CPXM2: variants seen among roughly 807,000 people sequenced by gnomAD.
CPXM2 encodes the protein inactive carboxypeptidase-like protein X2.
In CPXM2, 66 loss-of-function variants were observed where a neutral mutation model predicts 86.1. The ratio of observed to expected loss-of-function variants is 0.77; its 90% confidence interval spans 0.63 to 0.94. The LOEUF is 0.94. CPXM2 is among the 40% of genes least tolerant of loss of function. The probability of loss-of-function intolerance (pLI) is 0.00; values close to 1 mark genes in which losing one functional copy is unlikely to be tolerated. For synonymous variants in CPXM2, 388 were observed against 400.2 expected, an observed-to-expected ratio of 0.97 and a Z score of 0.36; for missense variants, 948 against 1,026.3, an observed-to-expected ratio of 0.92 and a Z score of 1.04.
At position 123,891,317 on chromosome 10, in the gene CPXM2, GGCGCCCCCTCGGGCTGCCCA is replaced by G. The variant is rs1476101370; in HGVS notation, c.304+19_304+38del. ...TGTCCCCTGGAGGCGCGCAACCACC[GGCGCCCCCTCGGGCTGCCCA>G]GCGCAGAAAGTTCCTTACCTGGTGG... is the stretch of plus-strand genomic sequence containing the variant. On this transcript the variant is annotated intron_variant, in intron 1 of 13. Transcript: ENST00000241305. This position sits in a 1 kb window ranked among gnomAD's most constrained non-coding sequence, Gnocchi z 5.6. The G allele has an allele frequency of 4.2e-6, 6 of 1,437,036 alleles. No homozygotes were observed. The South Asian group carries it at 7.3e-5, about 18-fold the overall frequency. 89.0% of individuals were successfully genotyped at this position (1,437,036 alleles called of 1,614,324 possible).
intron 4 of CPXM2, among the ~76,000 whole-genome samples, chr10:123,800,006 G>T (rs1590015123): frequency 1.4e-5 from 2 of 143,560 alleles, no homozygotes; most frequent in African/African-American, 5.1e-5. Context: ...TTGGAACTAA[G>T]AAGCAATTTA....
chr10:123,838,884 T>C (rs1027138793), intron 4 of CPXM2, among the ~76,000 whole-genome samples: 5 of 152,186 alleles, frequency 3.3e-5, no homozygotes, highest in Non-Finnish European at 7.3e-5. Context: ...CAGATACTTC[T>C]ACCAATTTGT....
intron 6 of CPXM2, among the ~76,000 whole-genome samples, chr10:123,783,684 T>C (rs1051719279): frequency 6.6e-6 from 1 of 152,198 alleles, no homozygotes; most frequent in African/African-American, 2.4e-5. Context: ...AAGTCAGACC[T>C]GCCCCTGGAA....
At chr10:123,818,234 C>G (rs1484165123) in intron 4 of CPXM2, among the ~76,000 whole-genome samples, 1 of 152,192 alleles carries the variant, frequency 6.6e-6, no homozygotes, top group Non-Finnish European at 1.5e-5. Flanking sequence ...CCAGCCACCC[C>G]TGTAATCGCC....
At chr10:123,924,234 C>T (rs1945603762) in intron 2 of CPXM2, among the ~76,000 whole-genome samples, 1 of 152,160 alleles carries the variant, frequency 6.6e-6, no homozygotes, top group African/African-American at 2.4e-5. Context: ...GTGCAGGCTC[C>T]ACAGATGAAG....
chr10:123,940,746 T>A (rs1365249810), upstream of CPXM2, among the ~76,000 whole-genome samples: 1 of 152,154 alleles, frequency 6.6e-6, no homozygotes, highest in African/African-American at 2.4e-5. Context: ...AGCTCAAGAT[T>A]CCCACACCGG....
intron 2 of CPXM2, among the ~76,000 whole-genome samples, chr10:123,920,742 G>A (rs1273678735): frequency 6.6e-6 from 1 of 152,206 alleles, no homozygotes; most frequent in Admixed American, 6.5e-5. Context: ...AGGTGATTAG[G>A]TCATGAGGGC....
intron 2 of CPXM2, among the ~76,000 whole-genome samples, chr10:123,918,493 T>G (rs1382646855): frequency 6.6e-6 from 1 of 151,212 alleles, no homozygotes; most frequent in African/African-American, 2.4e-5. Context: ...TGTCCTGGAG[T>G]GCTCCCACCT....
chr10:123,765,582 G>C (rs1196019808), intron 10 of CPXM2, among the ~76,000 whole-genome samples: 4 of 152,096 alleles, frequency 2.6e-5, no homozygotes, highest in African/African-American at 4.8e-5. Context: ...ACAAACAAAT[G>C]AACAAAAAAC....
intron 6 of CPXM2, among the ~76,000 whole-genome samples, chr10:123,785,756 C>T (rs1339997959): frequency 6.6e-6 from 1 of 151,972 alleles, no homozygotes; most frequent in Non-Finnish European, 1.5e-5. Flanking sequence ...TCTCAGCCTC[C>T]CGAGTAGCTG....
upstream of CPXM2, among the ~76,000 whole-genome samples, chr10:123,940,443 A>T (rs981369491): frequency 2.6e-5 from 4 of 152,146 alleles, 1 homozygote; most frequent in South Asian, 8.3e-4. Context: ...CTTGTCCCAG[A>T]TCCACCCCAG....
Position 123,781,026 on chromosome 10 carries a change from C to T in CPXM2, c.890-771G>A, listed in dbSNP as rs149252708. 4.6e-3 allele frequency among the ~76,000 whole-genome samples: 699 copies of T among 152,278 alleles called. 7 individuals carry two copies. The highest frequency in any genetic ancestry group is 0.016 in the African/African-American group (652 of 41,528). ...GAAGAACTAGCCTCAGGATGACTTC[C>T]GTGATGTGGATGACCCAGAGCAGAA... is the stretch of plus-strand genomic sequence containing the variant. On this transcript the variant is annotated intron_variant, in intron 6 of 13. Transcript: ENST00000241305.
chr10:123,921,575 A>G (rs1945579686), intron 2 of CPXM2, among the ~76,000 whole-genome samples: 2 of 152,228 alleles, frequency 1.3e-5, no homozygotes, highest in African/African-American at 2.4e-5. Flanking sequence ...CCTGTATAAT[A>G]TCCAAGCTAT....
chr10:123,914,432 G>T (rs1345435963), intron 2 of CPXM2, among the ~76,000 whole-genome samples: 1 of 152,050 alleles, frequency 6.6e-6, no homozygotes, highest in Non-Finnish European at 1.5e-5. Context: ...TCTACCCATT[G>T]CTGTGGCTTT....
Position 123,820,684 on chromosome 10 carries a change from T to C in CPXM2, c.654-21485A>G, listed in dbSNP as rs1043198934. Among the ~76,000 whole-genome samples, 4 of 152,186 alleles carry C rather than the reference T, an allele frequency of 2.6e-5. No individual in the cohort carries two copies. The South Asian group carries it at 8.3e-4, about 32-fold the overall frequency. On this transcript the variant is annotated intron_variant, in intron 4 of 13. Transcript: ENST00000241305. ...GTTCCTTTCTGGAGGCTCCAGAGGA[T>C]AATCTGTTTCCCTGCCTTTTCCAGC...
intron 12 of CPXM2, 100 bp downstream of exon 12, chr10:123,757,113 C>G: frequency 8.8e-7 from 1 of 1,134,478 alleles, no homozygotes; most frequent in Non-Finnish European, 1.3e-6. Flanking sequence ...GGATGACGGC[C>G]AAGGTCTGAA....
intron 12 of CPXM2, among the ~76,000 whole-genome samples, chr10:123,756,962 G>A (rs1292537665): frequency 2.0e-5 from 3 of 152,188 alleles, no homozygotes; most frequent in Non-Finnish European, 1.5e-5. Flanking sequence ...TGTTCCCTGC[G>A]GAGCAGCATC....
chr10:123,908,178 T>C (rs28397600), intron 2 of CPXM2, among the ~76,000 whole-genome samples: 40,773 of 151,046 alleles, frequency 0.27, 6,633 homozygotes, highest in African/African-American at 0.47. Flanking sequence ...CAGATTCAAG[T>C]CCACTGTTAG....
At chr10:123,813,415 C>A (rs536729015) in intron 4 of CPXM2, among the ~76,000 whole-genome samples, 1 of 152,168 alleles carries the variant, frequency 6.6e-6, no homozygotes, top group Non-Finnish European at 1.5e-5. Flanking sequence ...ATTCTTTGGT[C>A]TTCATCATGC....
Sources: gnomAD v4.1 joint callset for allele counts (sites outside exome capture counted in the v4.1 genomes callset) on GRCh38, gnomAD v4.1.1 for gene constraint, Gnocchi (gnomAD v3.1) non-coding constraint, MANE v1.5 for transcripts, NCBI Gene and HGNC (gene_info 2026-07-23, HGNC 2026-07-21) for gene names.